Variants in HCK observed in about 807,000 individuals in gnomAD.
The protein encoded by HCK is tyrosine-protein kinase HCK.
HCK carries 40 observed loss-of-function variants against 70.4 expected under a neutral mutation model. The ratio of observed to expected loss-of-function variants is 0.57; its 90% CI spans 0.44 to 0.74. The LOEUF is 0.74. Ranked by LOEUF, HCK falls within the 30% of genes least tolerant of loss-of-function variation. The probability of loss-of-function intolerance (pLI) is 0.00; values close to 1 mark genes in which losing one functional copy is unlikely to be tolerated. For synonymous variants in HCK, 245 were observed against 263.2 expected (o/e 0.93, Z 0.67); for missense variants, 568 against 697.2 (o/e 0.81, Z 2.09).
At position 32,096,499 on chromosome 20, in the gene HCK, C is replaced by CA. The variant is rs55905450; in HGVS notation, c.1247-2483dup. On this transcript the variant is annotated intron_variant, in intron 11 of 12. Transcript: ENST00000375852. The stretch of plus-strand genomic sequence containing the variant: ...TGGGTGATAGAGCGAGACTCCGTCT[C>CA]AAAAAAAAAAAAAAAAAAAAAAGAT... Among the ~76,000 whole-genome samples, 215 of 92,360 alleles carry CA rather than the reference C, an allele frequency of 2.3e-3. 2 individuals are homozygous for CA. Among genetic ancestry groups the CA allele is most frequent in the African/African-American group, 4.4e-3 (109 of 24,706 alleles). 60.6% of individuals were successfully genotyped at this position (92,360 alleles called of 152,430 possible).
intron 1 of HCK, among the ~76,000 whole-genome samples, chr20:32,056,044 T>C (rs2045265899): frequency 6.6e-6 from 1 of 152,274 alleles, no homozygotes; most frequent in African/African-American, 2.4e-5. Context: ...TGTATGGATA[T>C]TCCACAGTTT....
intron 8 of HCK, among the ~76,000 whole-genome samples, chr20:32,085,468 C>T (rs540334989): frequency 7.9e-5 from 12 of 152,014 alleles, no homozygotes; most frequent in African/African-American, 2.4e-4. Flanking sequence ...GAACCGAGAT[C>T]GCACCACTGC....
chr20:32,059,944 TA>T (rs200860869), intron 1 of HCK, among the ~76,000 whole-genome samples: 2 of 151,950 alleles, frequency 1.3e-5, no homozygotes, highest in African/African-American at 2.4e-5. Context: ...TTGTCAATTA[TA>T]AAAAAAATGT....
At chr20:32,072,542 T>TA (rs1276376281) in intron 2 of HCK, 2 of 94,988 alleles carry the variant, frequency 2.1e-5, no homozygotes, top group East Asian at 6.5e-4. Context: ...GCCTGGGCAA[T>TA]ACAGGGAGAC....
intron 11 of HCK, among the ~76,000 whole-genome samples, chr20:32,095,096 G>A (rs1167286325): frequency 6.6e-6 from 1 of 152,210 alleles, no homozygotes; most frequent in Non-Finnish European, 1.5e-5. Context: ...CGAACAAAAT[G>A]TGATATATCC....
chr20:32,086,802 C>T lies in HCK; in HGVS notation c.1010C>T (p.Ala337Val), dbSNP rs372166561. Residue 337 changes from alanine (A) to valine (V), a missense_variant, in exon 9 of 13, where the codon GCC becomes GTC. Physicochemically the swap from Ala to Val is moderately conservative, Grantham distance 64. Coordinates refer to ENST00000375852, the MANE Select transcript of HCK (RefSeq NM_002110.5). Reference sequence around the variant, plus strand: ...ATCTACATCATCACGGAGTTCATGGCCAAAGGTGCTGCGTGCTGGGGCTGG... The same window carrying T: ...ATCTACATCATCACGGAGTTCATGGTCAAAGGTGCTGCGTGCTGGGGCTGG... 2.1e-5 allele frequency: 33 copies of T among 1,576,238 alleles called. No individual in the cohort carries two copies. Among genetic ancestry groups the T allele is most frequent in the African/African-American group, 1.5e-4 (11 of 73,986 alleles).
chr20:32,090,664 C>A (rs2045852195), intron 10 of HCK, among the ~76,000 whole-genome samples: 1 of 152,116 alleles, frequency 6.6e-6, no homozygotes, highest in African/African-American at 2.4e-5. Context: ...GGAAGCAAAC[C>A]CAAGGGTGCC....
At chr20:32,082,336 A>G (rs1259830956) in intron 6 of HCK, among the ~76,000 whole-genome samples, 2 of 152,080 alleles carry the variant, frequency 1.3e-5, no homozygotes, top group African/African-American at 2.4e-5. Context: ...ACGGTAAGCT[A>G]TTATTCATTC....
At chr20:32,062,895 C>T (rs1043253161) in intron 1 of HCK, among the ~76,000 whole-genome samples, 1 of 152,178 alleles carries the variant, frequency 6.6e-6, no homozygotes, top group African/African-American at 2.4e-5. Flanking sequence ...TTCCCCACCC[C>T]CATTGCTGAG....
intron 1 of HCK, among the ~76,000 whole-genome samples, chr20:32,065,029 C>T (rs547001410): frequency 1.3e-5 from 2 of 152,382 alleles, no homozygotes; most frequent in Admixed American, 1.3e-4. Flanking sequence ...TCCTTCACAT[C>T]CCTAGTCACA....
At chr20:32,055,879 G>A (rs1284713903) in intron 1 of HCK, among the ~76,000 whole-genome samples, 1 of 151,932 alleles carries the variant, frequency 6.6e-6, no homozygotes, top group African/African-American at 2.4e-5. Context: ...TTGCCTCTAC[G>A]GACTAATTTA....
chr20:32,098,460 C>T lies in HCK; in HGVS notation c.1247-544C>T, dbSNP rs1009803374. Among the ~76,000 whole-genome samples, 11 of 152,036 alleles carry T rather than the reference C, an allele frequency of 7.2e-5. No individual in the cohort carries two copies. The East Asian group carries it at 7.7e-4, about 11-fold the overall frequency. ...TCAGTGAACTATGATTGTGCCACTG[C>T]GCTCCAGCCTGGGCACTCTGTCTCT... is the stretch of plus-strand genomic sequence containing the variant. On this transcript the variant is annotated intron_variant, in intron 11 of 12. Coordinates refer to ENST00000375852, the MANE Select transcript of HCK (RefSeq NM_002110.5).
chr20:32,086,770 G>A lies in HCK; in HGVS notation c.978G>A (p.Lys326=), dbSNP rs758853779. The A allele has an allele frequency of 1.9e-6, 3 of 1,597,998 alleles. No individual in the cohort carries two copies. The highest frequency in any genetic ancestry group is 2.2e-5 in the East Asian group (1 of 44,486). Reference sequence around the variant, plus strand: ...TCAAACTTCATGCGGTGGTCACCAAGGAGCCCATCTACATCATCACGGAGT... The same window carrying A: ...TCAAACTTCATGCGGTGGTCACCAAAGAGCCCATCTACATCATCACGGAGT... Residue 326 remains lysine, a synonymous_variant, in exon 9 of 13, where the codon AAG becomes AAA. Coordinates refer to ENST00000375852, the MANE Select transcript of HCK (RefSeq NM_002110.5).
intron 5 of HCK, among the ~76,000 whole-genome samples, chr20:32,079,515 TC>T (rs2045677625): frequency 6.6e-6 from 1 of 152,132 alleles, no homozygotes; most frequent in African/African-American, 2.4e-5. Context: ...TAAAGGAAGT[TC>T]CCCCACTCCA....
At chr20:32,099,995 G>C (rs558065208) in intron 12 of HCK, among the ~76,000 whole-genome samples, 1 of 151,362 alleles carries the variant, frequency 6.6e-6, no homozygotes, top group Non-Finnish European at 1.5e-5. Context: ...GACTTCCTAG[G>C]CTCAAATGAT....
chr20:32,095,633 A>C (rs2045944340), intron 11 of HCK, among the ~76,000 whole-genome samples: 1 of 152,318 alleles, frequency 6.6e-6, no homozygotes, highest in South Asian at 2.1e-4. Flanking sequence ...GGGAGAAATG[A>C]GGAGTGACTT....
chr20:32,054,113 GTTTGT>G (rs997915084), intron 1 of HCK: 21 of 425,800 alleles, frequency 4.9e-5, no homozygotes, highest in Non-Finnish European at 8.0e-5. Flanking sequence ...ATTTTGTTGT[GTTTGT>G]TTTGAGATTT....
intron 1 of HCK, among the ~76,000 whole-genome samples, chr20:32,063,876 A>G (rs897232832): frequency 6.7e-6 from 1 of 150,116 alleles, no homozygotes; most frequent in African/African-American, 2.4e-5. Flanking sequence ...CAAGGCTGAG[A>G]GTCTGCATTT....
chr20:32,100,250 C>T (rs768594909), intron 12 of HCK, among the ~76,000 whole-genome samples: 36 of 152,088 alleles, frequency 2.4e-4, no homozygotes, highest in Non-Finnish European at 3.2e-4. Flanking sequence ...GCTATGTTGC[C>T]GGGCTGGTGA....
Sources: allele counts gnomAD v4.1 joint callset (sites outside exome capture counted in the v4.1 genomes callset), GRCh38; gene constraint gnomAD v4.1.1; transcripts MANE v1.5; gene names NCBI Gene and HGNC (gene_info 2026-07-23, HGNC 2026-07-21).